SARM1: variants seen among roughly 807,000 people sequenced by gnomAD.
SARM1 encodes sterile alpha and TIR motif containing 1.
In SARM1, 60 loss-of-function variants were observed where a neutral mutation model predicts 65.1. The observed-to-expected ratio is 0.92, with a 90% CI of 0.75 to 1.14. The LOEUF is 1.14. Among genes scored for constraint, SARM1 ranks in the 50% most tolerant of loss-of-function variants. The pLI, the probability that SARM1 is intolerant of heterozygous loss-of-function variation, is 0.00. For synonymous variants in SARM1, 417 were observed against 465.4 expected (o/e 0.90, Z 1.34); for missense variants, 913 against 1,015.7 (o/e 0.90, Z 1.37).
At position 28,377,610 on chromosome 17, in the gene SARM1, T is replaced by G. The variant is rs114655369; in HGVS notation, c.471-3593T>G. Among the ~76,000 whole-genome samples, 800 of 152,332 alleles carry G rather than the reference T, an allele frequency of 5.3e-3. 11 individuals are homozygous for G. Among genetic ancestry groups the G allele is most frequent in the African/African-American group, 0.018 (764 of 41,558 alleles). On this transcript the variant is annotated intron_variant, in intron 1 of 8. Coordinates refer to ENST00000585482, the MANE Select transcript of SARM1 (RefSeq NM_015077.4). ...GTTCTGCAGTGGACACAAAATCACA[T>G]GCACTATGGTCACTGTGGTGCCCTT...
rs1555589422 is a variant in SARM1, at chr17:28,400,726, G to A, written c.*4440G>A. On this transcript the variant is annotated 3_prime_UTR_variant, in exon 9 of 9. Transcript: ENST00000585482. ...TGAAGATGCCGGAGGCCGTCAGCAT[G>A]GCCAGGCTATTCACACAGGCCACAG... is the stretch of plus-strand genomic sequence containing the variant. The A allele has an allele frequency of 2.5e-6, 4 of 1,599,638 alleles. No homozygotes were observed. Among genetic ancestry groups the A allele is most frequent in the African/African-American group, 2.7e-5 (2 of 74,688 alleles).
intron 1 of SARM1, among the ~76,000 whole-genome samples, chr17:28,376,533 A>G (rs746172185): frequency 1.3e-5 from 2 of 151,814 alleles, no homozygotes; most frequent in Non-Finnish European, 2.9e-5. Context: ...AGATTGCGCC[A>G]CTGCACTCCA....
chr17:28,390,424 G>A (rs1237564655), intron 7 of SARM1, among the ~76,000 whole-genome samples: 3 of 152,054 alleles, frequency 2.0e-5, no homozygotes, highest in Non-Finnish European at 4.4e-5. Context: ...AAAAATGGGG[G>A]GAAGGGGATT....
At chr17:28,373,654 A>C (rs540842832) in intron 1 of SARM1, 7 of 152,298 alleles carry the variant, frequency 4.6e-5, no homozygotes, top group African/African-American at 1.4e-4. Flanking sequence ...AGGGGGTAGC[A>C]AATAAAATAT....
chr17:28,401,072 C>T lies in SARM1; in HGVS notation c.*4786C>T. ...TACATGTGATATTGTCTGATGAAAG[C>T]TTGATGGAAATGGCTTTTTTCTGGT... On this transcript the variant is annotated 3_prime_UTR_variant, in exon 9 of 9. Coordinates refer to ENST00000585482, the MANE Select transcript of SARM1 (RefSeq NM_015077.4). The T allele has an allele frequency of 2.6e-6, 1 of 387,172 alleles. No individual in the cohort carries two copies. The highest frequency in any genetic ancestry group is 2.3e-5 in the South Asian group (1 of 42,796). 24.0% of individuals were successfully genotyped at this position (387,172 alleles called of 1,614,324 possible). A position where few individuals can be genotyped will look rare whatever the true frequency, so the allele number is the denominator to read the frequency against.
chr17:28,392,375 C>A (rs2068085232), intron 7 of SARM1, among the ~76,000 whole-genome samples: 1 of 152,110 alleles, frequency 6.6e-6, no homozygotes, highest in African/African-American at 2.4e-5. Context: ...CTTGGCCTCC[C>A]AAAGTGCTGG....
chr17:28,380,084 CTCTTT>C (rs1284144441), intron 1 of SARM1, among the ~76,000 whole-genome samples: 1 of 108,068 alleles, frequency 9.3e-6, no homozygotes, highest in African/African-American at 3.5e-5. Context: ...GTCTCTCTCT[CTCTTT>C]TTTTTTTTTT....
chr17:28,380,761 A>G (rs373702787), intron 1 of SARM1, among the ~76,000 whole-genome samples: 7 of 152,374 alleles, frequency 4.6e-5, no homozygotes, highest in African/African-American at 1.4e-4. Context: ...CAAGCACTCT[A>G]TAAGGCTTAT....
chr17:28,385,466 G>C lies in SARM1; in HGVS notation c.1630+191G>C, dbSNP rs776385328. ...TTACCTCAAGAAGTTCCCAGTCTGA[G>C]GTGGGTAGGCGGTGGGAGGAAGGAG... On this transcript the variant is annotated intron_variant, in intron 5 of 8. Transcript: ENST00000585482. The surrounding 1 kb of genome is among the most constrained non-coding windows in gnomAD (Gnocchi z 4.5). The C allele has an allele frequency of 1.7e-6, 1 of 585,978 alleles. No individual in the cohort carries two copies. Among genetic ancestry groups the C allele is most frequent in the East Asian group, 3.0e-5 (1 of 33,382 alleles). The allele number at this position is 585,978 out of a possible 1,614,324, so 36.3% of individuals were successfully genotyped here.
At position 28,384,710 on chromosome 17, in the gene SARM1, G is replaced by C. The variant is rs112805354; in HGVS notation, c.1303-129G>C. The stretch of plus-strand genomic sequence containing the variant: ...GAGCCTGTACGCAGCCACCGTTAGG[G>C]TCACTCGGCTCTGATCTAGGTCCCA... On this transcript the variant is annotated intron_variant, in intron 3 of 8. Coordinates refer to ENST00000585482, the MANE Select transcript of SARM1 (RefSeq NM_015077.4). This position sits in a 1 kb window ranked among gnomAD's most constrained non-coding sequence, Gnocchi z 4.4. 3.7e-5 allele frequency: 44 copies of C among 1,197,062 alleles called. No individual in the cohort carries two copies. In the Middle Eastern group the frequency reaches 2.1e-3, roughly 56 times the overall value. 74.2% of individuals were successfully genotyped at this position (1,197,062 alleles called of 1,614,324 possible). A position where few individuals can be genotyped will look rare whatever the true frequency, so the allele number is the denominator to read the frequency against.
Position 28,399,349 on chromosome 17 carries a change from C to G in SARM1, c.*3063C>G. Reference sequence around the variant, plus strand: ...AAGTGTCACCTCTCTCAGGACCTCTCCTCTGGCCTGTGGGGTTATAAGTGA... The same window carrying G: ...AAGTGTCACCTCTCTCAGGACCTCTGCTCTGGCCTGTGGGGTTATAAGTGA... On this transcript the variant is annotated 3_prime_UTR_variant, in exon 9 of 9. Coordinates refer to ENST00000585482, the MANE Select transcript of SARM1 (RefSeq NM_015077.4). 2.7e-6 allele frequency: 1 copy of G among 371,588 alleles called. No individual in the cohort carries two copies. The highest frequency in any genetic ancestry group is 5.0e-6 in the Non-Finnish European group (1 of 198,244). 23.0% of individuals were successfully genotyped at this position (371,588 alleles called of 1,614,324 possible). A position where few individuals can be genotyped will look rare whatever the true frequency, so the allele number is the denominator to read the frequency against.
intron 7 of SARM1, among the ~76,000 whole-genome samples, chr17:28,391,514 G>C (rs1356388234): frequency 6.6e-6 from 1 of 152,074 alleles, no homozygotes; most frequent in African/African-American, 2.4e-5. Context: ...GGCCTGGTTT[G>C]GGGAGGGGCA....
chr17:28,375,882 C>T (rs1337819261), intron 1 of SARM1, among the ~76,000 whole-genome samples: 1 of 152,168 alleles, frequency 6.6e-6, no homozygotes, highest in Non-Finnish European at 1.5e-5. Context: ...AGATAAACCA[C>T]TATAACAAGT....
In SARM1 at chr17:28,401,050, A is replaced by C. The variant is rs1259661846; in HGVS notation, c.*4764A>C. 6 of 415,876 alleles carry C rather than the reference A, an allele frequency of 1.4e-5. No homozygotes were observed. The East Asian group carries it at 1.5e-4, about 11-fold the overall frequency. The allele number at this position is 415,876 out of a possible 1,614,324, so 25.8% of individuals were successfully genotyped here. A position where few individuals can be genotyped will look rare whatever the true frequency, so the allele number is the denominator to read the frequency against. ...AGCACATAAAAGAAAAAAAAAGTAC[A>C]TGTGATATTGTCTGATGAAAGCTTG... On this transcript the variant is annotated 3_prime_UTR_variant, in exon 9 of 9. Transcript: ENST00000585482.
intron 1 of SARM1, among the ~76,000 whole-genome samples, chr17:28,378,596 C>G (rs953192824): frequency 1.3e-5 from 2 of 152,048 alleles, no homozygotes; most frequent in African/African-American, 4.8e-5. Context: ...CTTTTTCCCA[C>G]TCAGTGTTGG....
rs1321372047 is a variant in SARM1, at chr17:28,398,309, T to C, written c.*2023T>C. Reference sequence around the variant, plus strand: ...CCACTGCCCTGTGTGGCCTTCTGGTTGACCTCTGCCCGATCTTCTGTCTCT... The same window carrying C: ...CCACTGCCCTGTGTGGCCTTCTGGTCGACCTCTGCCCGATCTTCTGTCTCT... On this transcript the variant is annotated 3_prime_UTR_variant, in exon 9 of 9. Transcript: ENST00000585482. 6.6e-6 allele frequency: 1 copy of C among 152,362 alleles called. No individual in the cohort carries two copies. Among genetic ancestry groups the C allele is most frequent in the African/African-American group, 2.4e-5 (1 of 41,442 alleles). The allele number at this position is 152,362 out of a possible 1,614,324, so 9.4% of individuals were successfully genotyped here.
At chr17:28,388,736 T>C (rs1249689418) in intron 7 of SARM1, among the ~76,000 whole-genome samples, 197 bp downstream of exon 7, 1 of 152,104 alleles carries the variant, frequency 6.6e-6, no homozygotes, top group Non-Finnish European at 1.5e-5. Flanking sequence ...GAGACTAGGC[T>C]TTGGCTCTCT....
Position 28,402,472 on chromosome 17 carries a change from CA to C in SARM1, c.*6188del. The C allele has an allele frequency of 3.2e-6, 2 of 633,286 alleles. No individual in the cohort carries two copies. Among genetic ancestry groups the C allele is most frequent in the Non-Finnish European group, 5.6e-6 (2 of 359,290 alleles). 39.2% of individuals were successfully genotyped at this position (633,286 alleles called of 1,614,324 possible). A position where few individuals can be genotyped will look rare whatever the true frequency, so the allele number is the denominator to read the frequency against. ...ATGGTGAGGGTGGGAAGACAGTAGT[CA>C]AGGAGGAATGGAGACTGCCCTTGTC... On this transcript the variant is annotated 3_prime_UTR_variant, in exon 9 of 9. Coordinates refer to ENST00000585482, the MANE Select transcript of SARM1 (RefSeq NM_015077.4).
At chr17:28,377,884 G>C (rs2068002090) in intron 1 of SARM1, among the ~76,000 whole-genome samples, 1 of 152,184 alleles carries the variant, frequency 6.6e-6, no homozygotes, top group African/African-American at 2.4e-5. Context: ...TTTTAGTAGA[G>C]ATGGGGTTTC....
Sources: allele counts gnomAD v4.1 joint callset (sites outside exome capture counted in the v4.1 genomes callset), GRCh38; gene constraint gnomAD v4.1.1; non-coding constraint Gnocchi (gnomAD v3.1); transcripts MANE v1.5; gene names NCBI Gene and HGNC (gene_info 2026-07-23, HGNC 2026-07-21).